The following RGS9 variants were observed in gnomAD, a reference collection of about 807,000 sequenced individuals.
The protein encoded by RGS9 is regulator of G protein signaling 9.
A neutral mutation model predicts 102.0 loss-of-function variants in RGS9; 78 were observed. The observed-to-expected ratio is 0.76, with a 90% confidence interval of 0.64 to 0.92. The LOEUF is 0.92. Ranked by LOEUF, RGS9 falls within the 40% of genes least tolerant of loss-of-function variation. RGS9 has a pLI of 0.00. For missense variants in RGS9, 833 were observed against 866.1 expected, an observed-to-expected ratio of 0.96 and a Z score of 0.48; for synonymous variants, 353 against 318.6, an observed-to-expected ratio of 1.11 and a Z score of -1.15.
At chr17:65,222,150 G>A (rs1913724376) in intron 17 of RGS9, among the ~76,000 whole-genome samples, 1 of 152,230 alleles carries the variant, frequency 6.6e-6, no homozygotes, top group Admixed American at 6.5e-5. Context: ...GCCATCAGCT[G>A]GGAGCTGCTC....
chr17:65,144,721 C>T (rs1325033354), intron 1 of RGS9, among the ~76,000 whole-genome samples: 7 of 152,200 alleles, frequency 4.6e-5, no homozygotes, highest in African/African-American at 1.7e-4. Context: ...GGGCATCTCA[C>T]TCCCTGGAGA....
intron 14 of RGS9, among the ~76,000 whole-genome samples, chr17:65,203,195 T>G (rs1312538919): frequency 6.6e-6 from 1 of 152,150 alleles, no homozygotes; most frequent in Non-Finnish European, 1.5e-5. Flanking sequence ...CTTCTTCTTA[T>G]ACTTAGAGGT....
intron 1 of RGS9, among the ~76,000 whole-genome samples, chr17:65,143,936 G>GAA (rs35132424): frequency 1.6e-4 from 22 of 138,254 alleles, no homozygotes; most frequent in African/African-American, 3.4e-4. Context: ...ACTCCAGCCT[G>GAA]AAAAAAAAAA....
chr17:65,147,562 G>GAT (rs147041051), intron 1 of RGS9, among the ~76,000 whole-genome samples: 8,255 of 147,392 alleles, frequency 0.056, 792 homozygotes, highest in African/African-American at 0.19. Context: ...AATGCACCTG[G>GAT]ATCATTCTCT....
intron 15 of RGS9, among the ~76,000 whole-genome samples, chr17:65,204,781 T>A (rs1912986284): frequency 6.6e-6 from 1 of 152,142 alleles, no homozygotes; most frequent in African/African-American, 2.4e-5. Flanking sequence ...GCTTACAAGG[T>A]GCAGTCGCTG....
At chr17:65,187,728 T>G (rs1912177739) in intron 9 of RGS9, among the ~76,000 whole-genome samples, 1 of 152,228 alleles carries the variant, frequency 6.6e-6, no homozygotes, top group Non-Finnish European at 1.5e-5. Context: ...CCGGGTGCGG[T>G]GGCTCACGCC....
intron 10 of RGS9, 106 bp from the exon 11 acceptor site, chr17:65,190,069 C>T (rs372274738): frequency 3.0e-5 from 27 of 901,528 alleles, no homozygotes; most frequent in African/African-American, 6.5e-5. Flanking sequence ...GGGCATGGAA[C>T]GGGATGTGGC....
chr17:65,144,842 G>C (rs299823), intron 1 of RGS9, among the ~76,000 whole-genome samples: 50,755 of 152,022 alleles, frequency 0.33, 11,367 homozygotes, highest in African/African-American at 0.64. Context: ...TCACAAAGAT[G>C]CATAGACTGA....
At chr17:65,139,661 G>T (rs895103687) in intron 1 of RGS9, among the ~76,000 whole-genome samples, 2 of 152,116 alleles carry the variant, frequency 1.3e-5, no homozygotes, top group Admixed American at 1.3e-4. Flanking sequence ...GTCACCCCTC[G>T]GCTGTGAAGG....
intron 8 of RGS9, among the ~76,000 whole-genome samples, chr17:65,177,287 T>C (rs930804022): frequency 1.3e-5 from 2 of 150,902 alleles, no homozygotes; most frequent in Admixed American, 6.6e-5. Context: ...CTGCCACCCA[T>C]CCAACTCTGG....
chr17:65,188,111 C>T (rs1393046400), intron 9 of RGS9, among the ~76,000 whole-genome samples: 2 of 151,984 alleles, frequency 1.3e-5, no homozygotes, highest in African/African-American at 4.8e-5. Context: ...AGGCTGGGAT[C>T]ACCACCTTGC....
intron 17 of RGS9, among the ~76,000 whole-genome samples, chr17:65,213,084 C>T (rs1284716784): frequency 2.6e-5 from 4 of 152,216 alleles, no homozygotes; most frequent in Non-Finnish European, 5.9e-5. Context: ...AACCTCTCTA[C>T]ATCCTTATTT....
chr17:65,221,334 T>A (rs537597626), intron 17 of RGS9, among the ~76,000 whole-genome samples: 1 of 152,186 alleles, frequency 6.6e-6, no homozygotes, highest in Non-Finnish European at 1.5e-5. Context: ...AGTTGCATCA[T>A]ATCCATGAAC....
At chr17:65,144,386 C>A (rs1567857502) in intron 1 of RGS9, among the ~76,000 whole-genome samples, 1 of 152,300 alleles carries the variant, frequency 6.6e-6, no homozygotes, top group East Asian at 1.9e-4. Flanking sequence ...TCAAAGCCCT[C>A]ATTTCTGATC....
intron 9 of RGS9, among the ~76,000 whole-genome samples, chr17:65,179,138 T>C (rs1911755284): frequency 6.6e-6 from 1 of 152,022 alleles, no homozygotes; most frequent in Non-Finnish European, 1.5e-5. Context: ...TGCAGAGCCT[T>C]AAGGCATGAG....
chr17:65,164,100 G>A (rs950035007), intron 7 of RGS9, among the ~76,000 whole-genome samples: 6 of 152,170 alleles, frequency 3.9e-5, no homozygotes, highest in Non-Finnish European at 8.8e-5. Flanking sequence ...GGTAGGGAGA[G>A]GGTGTGGTCA....
intron 12 of RGS9, among the ~76,000 whole-genome samples, 165 bp from the exon 13 acceptor site, chr17:65,196,961 C>T (rs1598607208): frequency 6.6e-6 from 1 of 152,214 alleles, no homozygotes. Context: ...TCTGTGGCTG[C>T]ATCTTCCTAG....
chr17:65,207,825 T>G, intron 15 of RGS9, 97 bp from the exon 16 acceptor site: 1 of 836,360 alleles, frequency 1.2e-6, no homozygotes. Context: ...AACTTTTCCA[T>G]TCTACTGCCA....
chr17:65,143,316 A>G (rs1275320005), intron 1 of RGS9, among the ~76,000 whole-genome samples: 3 of 152,082 alleles, frequency 2.0e-5, no homozygotes, highest in Non-Finnish European at 4.4e-5. Context: ...GCTAAGGAGC[A>G]CCCCGGAGGC....
Sources: allele counts gnomAD v4.1 joint callset (sites outside exome capture counted in the v4.1 genomes callset), GRCh38; gene constraint gnomAD v4.1.1; transcripts MANE v1.5; gene names NCBI Gene and HGNC (gene_info 2026-07-23, HGNC 2026-07-21).